CAPN3: variants seen among roughly 807,000 people sequenced by gnomAD.
The protein encoded by CAPN3 is calpain-3.
CAPN3 carries 88 observed loss-of-function variants against 114.0 expected under a neutral mutation model. The observed-to-expected ratio is 0.77, with a 90% confidence interval of 0.65 to 0.92. CAPN3 has a LOEUF of 0.92. CAPN3 is among the 40% of genes least tolerant of loss of function. The pLI is 0.00. For missense variants in CAPN3, 1,028 were observed against 1,069.0 expected, an observed-to-expected ratio of 0.96 and a Z score of 0.53; for synonymous variants, 386 against 382.9, an observed-to-expected ratio of 1.01 and a Z score of -0.09.
chr15:42,394,072 G>A (rs1186102323), intron 7 of CAPN3, among the ~76,000 whole-genome samples, 184 bp from the exon 8 acceptor site: 1 of 152,042 alleles, frequency 6.6e-6, no homozygotes, highest in African/African-American at 2.4e-5. Context: ...GACTCAGGAG[G>A]AAAGGTCTGA....
At chr15:42,408,490 G>T in intron 16 of CAPN3, 166 bp downstream of exon 16, 1 of 627,846 alleles carries the variant, frequency 1.6e-6, no homozygotes, top group Non-Finnish European at 3.0e-6. Context: ...CTGAAATTTG[G>T]GCTGCTGCTT....
At chr15:42,386,508 C>CA (rs2053411948) in intron 3 of CAPN3, among the ~76,000 whole-genome samples, 1 of 152,208 alleles carries the variant, frequency 6.6e-6, no homozygotes, top group Non-Finnish European at 1.5e-5. Context: ...CCCAGAAAGA[C>CA]AGGAAGACAT....
intron 10 of CAPN3, 124 bp downstream of exon 10, chr15:42,399,776 T>A: frequency 1.2e-6 from 1 of 861,098 alleles, no homozygotes; most frequent in Non-Finnish European, 1.7e-6. Context: ...CCTTCCCTGT[T>A]TTACTGAGAA....
Position 42,410,918 on chromosome 15 carries a change from T to G in CAPN3, c.2298T>G (p.Ile766Met), listed in dbSNP as rs750627531. The change falls in exon 22 of 24, where the codon ATT becomes ATG. Residue 766 changes from isoleucine to methionine, a missense_variant. Ile to Met is a conservative substitution (Grantham distance 10). Coordinates refer to ENST00000397163, the MANE Select transcript of CAPN3 (RefSeq NM_000070.3). ...TCAACAACCAGCTCTATGACATCAT[T>G]ACCATGCGGTACGCAGACAAACACA... is the stretch of plus-strand genomic sequence containing the variant. The part of the protein sequence containing the change: ...FHLNNQLYDI[I>M]TMRYADKHMN... 3.1e-6 allele frequency: 5 copies of G among 1,614,202 alleles called. No homozygotes were observed. The highest frequency in any genetic ancestry group is 1.1e-5 in the South Asian group (1 of 91,080).
At chr15:42,390,796 T>TG (rs1252972483) in intron 6 of CAPN3, among the ~76,000 whole-genome samples, 10 of 150,280 alleles carry the variant, frequency 6.7e-5, no homozygotes, top group African/African-American at 1.9e-4. Flanking sequence ...TTTTGTTTTT[T>TG]TTTTTTTTTT....
chr15:42,381,370 A>G (rs111812815), intron 1 of CAPN3, among the ~76,000 whole-genome samples: 7,567 of 152,184 alleles, frequency 0.05, 586 homozygotes, highest in African/African-American at 0.16. Flanking sequence ...GAATAACAAT[A>G]TTAATAATAT....
chr15:42,359,880 C>T lies in CAPN3; in HGVS notation c.75C>T (p.His25=). 1 of 1,614,220 alleles carries T rather than the reference C, an allele frequency of 6.2e-7. No homozygotes were observed. Among genetic ancestry groups the T allele is most frequent in the Non-Finnish European group, 8.5e-7 (1 of 1,180,032 alleles). Residue 25 remains histidine (H), a synonymous_variant, in exon 1 of 24, where the codon CAC becomes CAT. Transcript: ENST00000397163. The part of the protein sequence containing the change: ...AEPRSPGPVP[H]PAQSKATEAG... ...CCCGGTCCCCAGGGCCAGTTCCTCA[C>T]CCGGCCCAGAGCAAGGCCACTGAGG...
At chr15:42,385,230 A>G (rs1411120754) in intron 2 of CAPN3, among the ~76,000 whole-genome samples, 3 of 152,176 alleles carry the variant, frequency 2.0e-5, no homozygotes, top group African/African-American at 7.2e-5. Flanking sequence ...CCTAAGACCA[A>G]AGGAATTTGG....
chr15:42,402,978 TCTC>T lies in CAPN3; in HGVS notation c.1722_1724del (p.Ser575del). The T allele has an allele frequency of 6.2e-7, 1 of 1,614,160 alleles. No individual in the cohort carries two copies. Among genetic ancestry groups the T allele is most frequent in the Non-Finnish European group, 8.5e-7 (1 of 1,179,994 alleles). On this transcript the variant is annotated inframe_deletion, in exon 13 of 24. Coordinates refer to ENST00000397163, the MANE Select transcript of CAPN3 (RefSeq NM_000070.3). ...GAGGGGGAATTCATCCTCCGGGTCT[TCTC>T]TGAAAAGAGGAACCTCTCTGAGTGA... is the stretch of plus-strand genomic sequence containing the variant.
chr15:42,410,390 TTGCTGTG>T, intron 19 of CAPN3, 31 bp from the exon 20 acceptor site: 1 of 1,599,372 alleles, frequency 6.3e-7, no homozygotes, highest in African/African-American at 1.3e-5. Context: ...CAGGGGGATT[TTGCTGTG>T]TGCTGTGTAG....
chr15:42,366,915 C>T (rs2052800052), intron 1 of CAPN3, among the ~76,000 whole-genome samples: 1 of 149,492 alleles, frequency 6.7e-6, no homozygotes. Flanking sequence ...CTCACTGCAA[C>T]CTCCACCTCC....
Position 42,389,159 on chromosome 15 carries a change from T to C in CAPN3, c.801+63T>C, listed in dbSNP as rs190808503. The C allele has an allele frequency of 4.5e-4, 671 of 1,499,104 alleles. 3 individuals carry two copies. In the African/African-American group the frequency reaches 8.4e-3, roughly 19 times the overall value. The allele number at this position is 1,499,104 out of a possible 1,614,324, so 92.9% of individuals were successfully genotyped here. On this transcript the variant is annotated intron_variant, in intron 5 of 23. Transcript: ENST00000397163. ...AAGTGTCAGGAAGCCTTTTACCCAA[T>C]GAAGGGCAGCATAGAGCTTTTGTGT...
At position 42,409,789 on chromosome 15, in the gene CAPN3, C is replaced by G. The variant is rs1595846015; in HGVS notation, c.1995C>G (p.Asp665Glu). ...RNIFKQIAGD[D>E]MEICADELKK... ...CCCTCCTCTCCCTTCCTCCTCAGGA[C>G]ATGGAGATCTGTGCAGATGAGCTCA... Residue 665 changes from aspartate to glutamate, a missense_variant and splice_region_variant, in exon 18 of 24, where the codon GAC becomes GAG. Transcript: ENST00000397163. 1 of 1,581,410 alleles carries G rather than the reference C, an allele frequency of 6.3e-7. No individual in the cohort carries two copies. Among genetic ancestry groups the G allele is most frequent in the East Asian group, 2.3e-5 (1 of 42,578 alleles).
intron 6 of CAPN3, among the ~76,000 whole-genome samples, chr15:42,392,079 C>T (rs979045644): frequency 8.6e-5 from 13 of 152,010 alleles, no homozygotes; most frequent in Non-Finnish European, 1.8e-4. Context: ...GCAGGAGAAT[C>T]GCTGGAACAC....
In CAPN3 at chr15:42,401,709, G is replaced by C. The variant is rs2053875082; in HGVS notation, c.1423G>C (p.Glu475Gln). The change falls in exon 11 of 24, where the codon GAG becomes CAG. Residue 475 changes from glutamate (E) to glutamine (Q), a missense_variant. By Grantham distance (29) the Glu-to-Gln change is conservative. Coordinates refer to ENST00000397163, the MANE Select transcript of CAPN3 (RefSeq NM_000070.3). ...GGAGGACGATGACCCTGATGACTCG[G>C]AGGTGATTTGCAGCTTCCTGGTGGC... ...LEEDDDPDDSEVICSFLVALM... is the reference protein window; with the variant it reads ...LEEDDDPDDSQVICSFLVALM... 1 of 1,614,202 alleles carries C rather than the reference G, an allele frequency of 6.2e-7. No individual in the cohort carries two copies. Among genetic ancestry groups the C allele is most frequent in the African/African-American group, 1.3e-5 (1 of 75,050 alleles).
chr15:42,371,729 C>T (rs2052952623), intron 1 of CAPN3, among the ~76,000 whole-genome samples: 4 of 152,006 alleles, frequency 2.6e-5, no homozygotes, highest in Non-Finnish European at 5.9e-5. Flanking sequence ...TTTGGGAGGC[C>T]GAGATGGGCA....
Position 42,411,758 on chromosome 15 carries a change from C to T in CAPN3, c.2451C>T (p.Leu817=), listed in dbSNP as rs2141230477. The T allele has an allele frequency of 1.3e-6, 2 of 1,597,044 alleles. No individual in the cohort carries two copies. The highest frequency in any genetic ancestry group is 1.7e-6 in the Non-Finnish European group (2 of 1,168,348). The part of the protein sequence containing the change: ...IKLNVLEWLQ[L]TMYA ...GGGACTTCTTTCAGTGGCTGCAGCT[C>T]ACCATGTATGCCTGAACCAGGCTGG... The change falls in exon 24 of 24, where the codon CTC becomes CTT. Residue 817 remains leucine, a synonymous_variant. Transcript: ENST00000397163.
intron 1 of CAPN3, 44 bp downstream of exon 1, chr15:42,360,158 G>A: frequency 2.5e-6 from 4 of 1,612,486 alleles, no homozygotes; most frequent in Non-Finnish European, 3.4e-6. Context: ...CCCCCACGGA[G>A]GAGTCCTCTC....
At chr15:42,405,318 G>A (rs969148871) in intron 14 of CAPN3, among the ~76,000 whole-genome samples, 13 of 152,056 alleles carry the variant, frequency 8.5e-5, no homozygotes, top group East Asian at 1.9e-4. Context: ...TTATTTATTT[G>A]TTTATTTTTG....
Sources: allele counts gnomAD v4.1 joint callset (sites outside exome capture counted in the v4.1 genomes callset), GRCh38; gene constraint gnomAD v4.1.1; transcripts MANE v1.5; gene names NCBI Gene and HGNC (gene_info 2026-07-23, HGNC 2026-07-21).